The following PCDH11X variants were observed in gnomAD, a reference collection of about 807,000 sequenced individuals.
The protein encoded by PCDH11X is protocadherin-11 X-linked.
In PCDH11X, 18 loss-of-function variants were observed where a neutral mutation model predicts 53.3. The ratio of observed to expected loss-of-function variants is 0.34; its 90% CI spans 0.23 to 0.50. The LOEUF is 0.50. PCDH11X is among the 20% of genes least tolerant of loss of function. The pLI is 0.98. For synonymous variants in PCDH11X, 279 were observed against 393.3 expected (o/e 0.71, Z 3.44); for missense variants, 570 against 1,032.4 (o/e 0.55, Z 6.14).
chrX:92,536,644 G>A (rs1280444594), intron 10 of PCDH11X, among the ~76,000 whole-genome samples: 7 of 94,451 alleles, frequency 7.4e-5, no homozygotes, highest in Non-Finnish European at 1.5e-4. Flanking sequence ...CTGTCTCTTG[G>A]ATAAAAGCCT....
intron 10 of PCDH11X, among the ~76,000 whole-genome samples, chrX:92,471,970 ATTT>A (rs1019206705): frequency 9.1e-6 from 1 of 110,214 alleles, no homozygotes; most frequent in African/African-American, 3.3e-5. Flanking sequence ...TTTCTTTGTA[ATTT>A]TTTTTAAGTT....
At chrX:91,963,480 T>A (rs2061820976) in intron 6 of PCDH11X, among the ~76,000 whole-genome samples, 1 of 110,341 alleles carries the variant, frequency 9.1e-6, no homozygotes, top group Admixed American at 9.6e-5. Context: ...TGAGATCACC[T>A]CAGCCTGGAC....
chrX:92,022,742 T>G (rs1200489610), intron 6 of PCDH11X, among the ~76,000 whole-genome samples: 1 of 111,740 alleles, frequency 8.9e-6, no homozygotes, highest in Admixed American at 9.5e-5. Flanking sequence ...CACATGGCAC[T>G]TATTCTAAAA....
At chrX:91,974,449 A>C (rs2062018699) in intron 6 of PCDH11X, among the ~76,000 whole-genome samples, 2 of 111,812 alleles carry the variant, frequency 1.8e-5, no homozygotes, top group African/African-American at 6.5e-5. Flanking sequence ...GCCCACATTT[A>C]ATGTGGTAAG....
chrX:91,999,258 G>A (rs1236839863), intron 6 of PCDH11X, among the ~76,000 whole-genome samples: 1 of 111,348 alleles, frequency 9.0e-6, no homozygotes, highest in African/African-American at 3.3e-5. Context: ...TAACATTTCA[G>A]TTAACTGGTA....
In PCDH11X at chrX:91,875,277, ATTT is replaced by A. The variant is rs1179910381; in HGVS notation, c.541-1482_541-1480del. On this transcript the variant is annotated intron_variant, in intron 5 of 10. Coordinates refer to ENST00000682573, the MANE Select transcript of PCDH11X (RefSeq NM_032968.5). Reference sequence around the variant, plus strand: ...CATCTTATTGTAGTACAGGGAGGGGATTTTTTTTTTTTTTTTTTTTTTTTGAGA... The same window carrying A: ...CATCTTATTGTAGTACAGGGAGGGGATTTTTTTTTTTTTTTTTTTTTGAGA... Among the ~76,000 whole-genome samples the A allele has an allele frequency of 7.2e-4, 46 of 63,736 alleles. 1 individual carries two copies. Among genetic ancestry groups the A allele is most frequent in the African/African-American group, 3.2e-3 (45 of 14,262 alleles). The allele number at this position is 63,736 out of a possible 115,157, so 55.3% of individuals were successfully genotyped here. A position where few individuals can be genotyped will look rare whatever the true frequency, so the allele number is the denominator to read the frequency against.
rs7056639 is a variant in PCDH11X at position 91,939,903 on chromosome X, A to G, written c.3033+60630A>G. Among the ~76,000 whole-genome samples the G allele has an allele frequency of 2.8e-3, 305 of 110,543 alleles. 1 individual carries two copies. Among genetic ancestry groups the G allele is most frequent in the African/African-American group, 9.5e-3 (289 of 30,386 alleles). ...TGGACATACAAAAACAAAGAATAAC[A>G]CTACAAATGATCACTACAGGGTAAA... On this transcript the variant is annotated intron_variant, in intron 6 of 10. Transcript: ENST00000682573.
At chrX:91,798,467 T>C (rs1458531326) in intron 1 of PCDH11X, among the ~76,000 whole-genome samples, 2 of 109,947 alleles carry the variant, frequency 1.8e-5, no homozygotes, top group Non-Finnish European at 3.8e-5. Flanking sequence ...CGGGCGCCTG[T>C]AATCCCAGCT....
intron 10 of PCDH11X, among the ~76,000 whole-genome samples, chrX:92,486,875 G>A (rs1156368287): frequency 9.3e-6 from 1 of 107,306 alleles, no homozygotes; most frequent in East Asian, 3.0e-4. Flanking sequence ...TCTTTTTAGA[G>A]ATAATGTATT....
At chrX:92,419,275 C>CTTTTTTTTTTTTTTTT (rs200748988) in intron 9 of PCDH11X, among the ~76,000 whole-genome samples, 1 of 88,938 alleles carries the variant, frequency 1.1e-5, no homozygotes, top group African/African-American at 4.1e-5. Flanking sequence ...TTTTTTTGTT[C>CTTTTTTTTTTTTTTTT]TTTTTTTTTT....
intron 6 of PCDH11X, among the ~76,000 whole-genome samples, chrX:91,976,520 T>C (rs978471009): frequency 9.0e-6 from 1 of 111,529 alleles, no homozygotes; most frequent in Non-Finnish European, 1.9e-5. Context: ...TGGCCTTTCC[T>C]AATCTCTCTT....
At chrX:92,535,650 T>C (rs2148731144) in intron 10 of PCDH11X, among the ~76,000 whole-genome samples, 1 of 111,611 alleles carries the variant, frequency 9.0e-6, no homozygotes, top group African/African-American at 3.3e-5. Context: ...AATGTACTCT[T>C]GAACTAAAAA....
At chrX:92,151,786 A>C (rs1205138803) in intron 6 of PCDH11X, among the ~76,000 whole-genome samples, 1 of 111,417 alleles carries the variant, frequency 9.0e-6, no homozygotes, top group Non-Finnish European at 1.9e-5. Context: ...GTTCATTTAC[A>C]TATTAAATCA....
At chrX:92,043,319 T>C (rs1215649828) in intron 6 of PCDH11X, among the ~76,000 whole-genome samples, 1 of 110,241 alleles carries the variant, frequency 9.1e-6, no homozygotes, top group Non-Finnish European at 1.9e-5. Flanking sequence ...TTCAATGAAG[T>C]AGTGATTGGA....
chrX:91,999,043 A>G (rs1457074676), intron 6 of PCDH11X, among the ~76,000 whole-genome samples: 3 of 109,723 alleles, frequency 2.7e-5, no homozygotes, highest in African/African-American at 6.6e-5. Flanking sequence ...CCTCTCAAGT[A>G]GCTGGCACTA....
chrX:92,022,801 C>T (rs776623645), intron 6 of PCDH11X, among the ~76,000 whole-genome samples: 117 of 111,778 alleles, frequency 1.0e-3, no homozygotes, highest in Non-Finnish European at 1.7e-3. Context: ...TGCAAAAGAA[C>T]TGAAATCATA....
intron 10 of PCDH11X, among the ~76,000 whole-genome samples, chrX:92,606,324 G>T (rs1372235995): frequency 1.0e-5 from 1 of 97,408 alleles, no homozygotes; most frequent in Middle Eastern, 5.8e-3. Flanking sequence ...TGAAAAATAA[G>T]AACAAAGTTG....
intron 6 of PCDH11X, among the ~76,000 whole-genome samples, chrX:91,970,577 C>T (rs2061943825): frequency 9.0e-6 from 1 of 111,180 alleles, no homozygotes; most frequent in African/African-American, 3.3e-5. Context: ...AGTCTCCACC[C>T]AACCCAGAAG....
intron 9 of PCDH11X, among the ~76,000 whole-genome samples, chrX:92,458,590 AT>A (rs959786476): frequency 1.6e-4 from 18 of 109,802 alleles, no homozygotes; most frequent in Non-Finnish European, 3.2e-4. Context: ...TTGAGTTCAA[AT>A]TTTTTTTTAG....
Sources: gnomAD v4.1 joint callset for allele counts (sites outside exome capture counted in the v4.1 genomes callset) on GRCh38, gnomAD v4.1.1 for gene constraint, MANE v1.5 for transcripts, NCBI Gene and HGNC (gene_info 2026-07-23, HGNC 2026-07-21) for gene names.